CDC42BPB: variants seen among roughly 807,000 people sequenced by gnomAD.
CDC42BPB encodes the protein CDC42 binding protein kinase beta.
A neutral mutation model predicts 214.9 loss-of-function variants in CDC42BPB; 37 were observed. That is an observed-to-expected ratio of 0.17 (90% CI 0.13 to 0.23). The LOEUF is 0.23. Among genes scored for constraint, CDC42BPB ranks in the 10% least tolerant of loss-of-function variants. The pLI, the probability that CDC42BPB is intolerant of heterozygous loss-of-function variation, is 1.00. For synonymous variants in CDC42BPB, 931 were observed against 884.0 expected, an observed-to-expected ratio of 1.05 and a Z score of -0.94; for missense variants, 1,694 against 2,227.0, an observed-to-expected ratio of 0.76 and a Z score of 4.82.
At chr14:103,026,066 G>A (rs1275008298) in intron 1 of CDC42BPB, among the ~76,000 whole-genome samples, 1 of 152,044 alleles carries the variant, frequency 6.6e-6, no homozygotes, top group Non-Finnish European at 1.5e-5. Flanking sequence ...AACTCAAAAT[G>A]AATTGAAGGC....
chr14:102,952,754 C>T, intron 23 of CDC42BPB, 151 bp from the exon 24 acceptor site: 1 of 1,440,318 alleles, frequency 6.9e-7, no homozygotes, highest in Non-Finnish European at 9.1e-7. Context: ...TGTTCCCTAA[C>T]AGGGCTCATC....
At chr14:103,038,717 G>GGA (rs1475868700) in intron 1 of CDC42BPB, among the ~76,000 whole-genome samples, 1 of 84,368 alleles carries the variant, frequency 1.2e-5, no homozygotes, top group African/African-American at 7.8e-5. Flanking sequence ...TGTAGAGACG[G>GGA]GGGGGGGGGG....
chr14:103,053,841 C>T (rs558450049), intron 1 of CDC42BPB, among the ~76,000 whole-genome samples: 336 of 151,252 alleles, frequency 2.2e-3, no homozygotes, highest in Non-Finnish European at 2.8e-3. Context: ...CAAAAATAAT[C>T]ATATTTTATT....
chr14:102,983,367 C>T (rs919316701), intron 7 of CDC42BPB, among the ~76,000 whole-genome samples, 189 bp downstream of exon 7: 3 of 152,000 alleles, frequency 2.0e-5, no homozygotes, highest in Admixed American at 2.0e-4. Flanking sequence ...CTCCTGGTGC[C>T]GACCCCGCCT....
Position 102,949,865 on chromosome 14 carries a change from C to T in CDC42BPB, c.3349G>A (p.Ala1117Thr), listed in dbSNP as rs142564408. ...TTGCAGTCACAGACGACTGCATATG[C>T]GCGCTGCCATCCCTTCTTCACCCCC... The part of the protein sequence containing the change: ...PTGVKKGWQR[A>T]YAVVCDCKLF... The change falls in exon 26 of 37, where the codon GCA becomes ACA. Residue 1117 changes from alanine (A) to threonine (T), a missense_variant. By Grantham distance (58) the Ala-to-Thr change is moderately conservative. Around this residue, in one of 7 missense-constraint regions of CDC42BPB, gnomAD observed 567 missense variants for 790.3 expected, o/e 0.72. Coordinates refer to ENST00000361246, the MANE Select transcript of CDC42BPB (RefSeq NM_006035.4). The T allele has an allele frequency of 2.0e-5, 32 of 1,613,536 alleles. No homozygotes were observed. Among genetic ancestry groups the T allele is most frequent in the East Asian group, 4.5e-5 (2 of 44,882 alleles).
At chr14:102,989,846 C>T (rs896415778) in intron 5 of CDC42BPB, among the ~76,000 whole-genome samples, 7 of 145,960 alleles carry the variant, frequency 4.8e-5, no homozygotes, top group South Asian at 2.2e-4. Flanking sequence ...GCAACAAAAG[C>T]GAAACTCTGT....
intron 14 of CDC42BPB, chr14:102,969,013 C>T (rs1159810417): frequency 1.9e-6 from 1 of 521,390 alleles, no homozygotes; most frequent in Non-Finnish European, 2.5e-6. Context: ...CTGTGCTGGG[C>T]CCCCTCCTTG....
At chr14:102,961,218 T>C (rs10136828) in intron 20 of CDC42BPB, among the ~76,000 whole-genome samples, 11,223 of 152,076 alleles carry the variant, frequency 0.074, 563 homozygotes, top group African/African-American at 0.14. Flanking sequence ...GCCACACAAG[T>C]ATGAGAAGCA....
chr14:103,030,882 G>C (rs939451871), intron 1 of CDC42BPB, among the ~76,000 whole-genome samples: 1 of 152,000 alleles, frequency 6.6e-6, no homozygotes, highest in East Asian at 1.9e-4. Context: ...AGCTACTCGA[G>C]AGGCTGAGAC....
At chr14:102,987,818 C>CAA (rs1418222194) in intron 5 of CDC42BPB, among the ~76,000 whole-genome samples, 1 of 151,630 alleles carries the variant, frequency 6.6e-6, no homozygotes, top group Non-Finnish European at 1.5e-5. Context: ...CACACACACA[C>CAA]ACACACGGCC....
At chr14:103,036,863 C>T (rs564380228) in intron 1 of CDC42BPB, among the ~76,000 whole-genome samples, 7 of 152,326 alleles carry the variant, frequency 4.6e-5, no homozygotes, top group Middle Eastern at 3.4e-3. Context: ...GTCGCCCAGG[C>T]TGCAGTACAG....
intron 2 of CDC42BPB, among the ~76,000 whole-genome samples, chr14:103,011,502 C>CG (rs1886158798): frequency 6.6e-6 from 1 of 152,108 alleles, no homozygotes; most frequent in Admixed American, 6.5e-5. Context: ...GGAGGCTGGG[C>CG]GGGGCATCTG....
rs1166146982 is a variant in CDC42BPB at position 102,954,257 on chromosome 14, G to A, written c.3007C>T (p.Gln1003Ter). 6.5e-7 allele frequency: 1 copy of A among 1,535,720 alleles called. No homozygotes were observed. The highest frequency in any genetic ancestry group is 2.2e-5 in the Admixed American group (1 of 46,300). The change falls in exon 23 of 37, where the codon CAG (glutamine) becomes TAG (stop). Residue 1003 changes from glutamine (Q) to a stop codon, truncating the protein, a stop_gained. Transcript: ENST00000361246. LOFTEE classifies it high-confidence loss of function. ...GGCAACGGCACAGCGGATGGCCTCT[G>A]CGGGGGCCGAGCCATGTCCTGGGAG... ...EQQEDMARPP[Q>*]RPSAVPLPTT... is the part of the protein sequence containing the mutation.
At chr14:103,011,990 T>C (rs904857584) in intron 2 of CDC42BPB, 107 bp downstream of exon 2, 5 of 745,478 alleles carry the variant, frequency 6.7e-6, no homozygotes, top group Non-Finnish European at 2.4e-6. Context: ...CAAATAATAC[T>C]AATTACCTCA....
intron 36 of CDC42BPB, among the ~76,000 whole-genome samples, chr14:102,935,291 G>C (rs1891600670): frequency 6.6e-6 from 1 of 151,926 alleles, no homozygotes; most frequent in Non-Finnish European, 1.5e-5. Flanking sequence ...CAAGTCAGTT[G>C]TGTTTCTATA....
intron 34 of CDC42BPB, among the ~76,000 whole-genome samples, chr14:102,939,089 G>A (rs376235837): frequency 5.1e-4 from 77 of 151,870 alleles, no homozygotes; most frequent in South Asian, 3.7e-3. Context: ...GGCACCTGCC[G>A]CCACACCCAG....
chr14:102,955,454 A>G (rs774669971), intron 21 of CDC42BPB, among the ~76,000 whole-genome samples: 1 of 152,236 alleles, frequency 6.6e-6, no homozygotes, highest in Non-Finnish European at 1.5e-5. Context: ...TCAAATAGCC[A>G]AATGCTTCTT....
intron 2 of CDC42BPB, 104 bp downstream of exon 2, chr14:103,011,993 T>C: frequency 2.7e-6 from 2 of 753,892 alleles, no homozygotes; most frequent in South Asian, 1.5e-5. Context: ...ATAATACTAA[T>C]TACCTCATCC....
chr14:102,937,777 G>GTA (rs1891706702), intron 36 of CDC42BPB, among the ~76,000 whole-genome samples: 1 of 152,250 alleles, frequency 6.6e-6, no homozygotes, highest in South Asian at 2.1e-4. Flanking sequence ...GACTGCTGAT[G>GTA]TATCACATTG....
Sources: gnomAD v4.1 joint callset for allele counts (sites outside exome capture counted in the v4.1 genomes callset) on GRCh38, gnomAD v4.1.1 for gene constraint, gnomAD v4.1.1 regional missense constraint, MANE v1.5 for transcripts, NCBI Gene and HGNC (gene_info 2026-07-23, HGNC 2026-07-21) for gene names.